The following PYGO1 variants were observed in gnomAD, a reference collection of about 807,000 sequenced individuals.
PYGO1 encodes pygopus homolog 1.
A neutral mutation model predicts 29.5 loss-of-function variants in PYGO1; 6 were observed. That is an observed-to-expected ratio of 0.20 (90% CI 0.11 to 0.40). PYGO1 has a LOEUF of 0.40. Ranked by LOEUF, PYGO1 falls within the 10% of genes least tolerant of loss-of-function variation. PYGO1 has a pLI of 1.00. For synonymous variants in PYGO1, 186 were observed against 180.5 expected (o/e 1.03, Z -0.24); for missense variants, 515 against 514.9 (o/e 1.00, Z 0.00).
intron 1 of PYGO1, among the ~76,000 whole-genome samples, 199 bp downstream of exon 1, chr15:55,587,636 A>G (rs1208106731): frequency 6.6e-6 from 1 of 151,588 alleles, no homozygotes; most frequent in Non-Finnish European, 1.5e-5. Context: ...GAGGCGAGGG[A>G]TCCGCGCGGA....
At position 55,581,956 on chromosome 15, in the gene PYGO1, CAGCACTTTGGGAG is replaced by C. The variant is rs532779178; in HGVS notation, c.49+5866_49+5878del. ...GCGCAGTGGCTCATGCCTACAATCCCAGCACTTTGGGAGGCTGAGGTGGGCGGATCACCTGAGG... is the reference window on the plus strand; with the variant it reads ...GCGCAGTGGCTCATGCCTACAATCCCGCTGAGGTGGGCGGATCACCTGAGG... On this transcript the variant is annotated intron_variant, in intron 1 of 2. Coordinates refer to ENST00000563719, the MANE Select transcript of PYGO1 (RefSeq NM_001367806.1). 4.9e-3 allele frequency among the ~76,000 whole-genome samples: 743 copies of C among 152,216 alleles called. 9 individuals are homozygous for C. The highest frequency in any genetic ancestry group is 0.017 in the African/African-American group (714 of 41,544).
In PYGO1 at chr15:55,545,786, TAAC is replaced by T. The variant is rs545524875; in HGVS notation, c.*234_*236del. 335 of 365,348 alleles carry T rather than the reference TAAC, an allele frequency of 9.2e-4. 1 individual carries two copies. The East Asian group carries it at 0.011, about 12-fold the overall frequency. The allele number at this position is 365,348 out of a possible 1,614,324, so 22.6% of individuals were successfully genotyped here. On this transcript the variant is annotated 3_prime_UTR_variant, in exon 3 of 3. Coordinates refer to ENST00000563719, the MANE Select transcript of PYGO1 (RefSeq NM_001367806.1). Reference sequence around the variant, plus strand: ...AAGAGGCTTTTATGTTTGTGATAAATAACAACAACTAACATTTATTTATGTTTC... The same window carrying T: ...AAGAGGCTTTTATGTTTGTGATAAATAACAACTAACATTTATTTATGTTTC...
chr15:55,550,657 T>C (rs2058874945), intron 1 of PYGO1, among the ~76,000 whole-genome samples: 1 of 152,232 alleles, frequency 6.6e-6, no homozygotes, highest in Non-Finnish European at 1.5e-5. Context: ...TCACTGTCCA[T>C]GCTACCTCAC....
chr15:55,545,952 C>A lies in PYGO1; in HGVS notation c.*71G>T. The A allele has an allele frequency of 7.0e-7, 1 of 1,423,864 alleles. No individual in the cohort carries two copies. Among genetic ancestry groups the A allele is most frequent in the Non-Finnish European group, 9.5e-7 (1 of 1,055,832 alleles). The allele number at this position is 1,423,864 out of a possible 1,614,324, so 88.2% of individuals were successfully genotyped here. A position where few individuals can be genotyped will look rare whatever the true frequency, so the allele number is the denominator to read the frequency against. ...ATGCATTTAAAAAAATAATGTAAAACATTAAAATCCTGTGTCAATGAACTT... is the reference window on the plus strand; with the variant it reads ...ATGCATTTAAAAAAATAATGTAAAAAATTAAAATCCTGTGTCAATGAACTT... On this transcript the variant is annotated 3_prime_UTR_variant, in exon 3 of 3. Coordinates refer to ENST00000563719, the MANE Select transcript of PYGO1 (RefSeq NM_001367806.1).
chr15:55,558,047 G>T (rs574362581), intron 1 of PYGO1, among the ~76,000 whole-genome samples: 3 of 152,284 alleles, frequency 2.0e-5, no homozygotes, highest in South Asian at 2.1e-4. Context: ...AGGAAAAGAG[G>T]AAGTCAAATT....
chr15:55,550,859 G>A (rs965003087), intron 1 of PYGO1, among the ~76,000 whole-genome samples: 4 of 152,002 alleles, frequency 2.6e-5, no homozygotes, highest in Non-Finnish European at 5.9e-5. Context: ...ATTGATATTG[G>A]GTCTAGACCA....
rs2058833805 is a variant in PYGO1 at position 55,542,909 on chromosome 15, A to G, written c.*3114T>C. ...TCATCACTGCACTCCAGCCTGGGCAACAGAGCAAGACTGGCAAAAAACAAA... is the reference window on the plus strand; with the variant it reads ...TCATCACTGCACTCCAGCCTGGGCAGCAGAGCAAGACTGGCAAAAAACAAA... On this transcript the variant is annotated 3_prime_UTR_variant, in exon 3 of 3. Coordinates refer to ENST00000563719, the MANE Select transcript of PYGO1 (RefSeq NM_001367806.1). 1 of 152,100 alleles carries G rather than the reference A, an allele frequency of 6.6e-6. No individual in the cohort carries two copies. Among genetic ancestry groups the G allele is most frequent in the African/African-American group, 2.4e-5 (1 of 41,380 alleles). 9.4% of individuals were successfully genotyped at this position (152,100 alleles called of 1,614,324 possible).
Position 55,546,925 on chromosome 15 carries a change from C to T in PYGO1, c.358G>A (p.Gly120Ser). Residue 120 changes from glycine to serine, a missense_variant, in exon 3 of 3, where the codon GGT becomes AGT. Transcript: ENST00000563719. The stretch of plus-strand genomic sequence containing the variant: ...GGCTGGTTCCTGAGTGAGTAAGGAC[C>T]ACAGTATGGGGAAGACATTCTTGGG... ...VPPRMSSPYC[G>S]PYSLRNQPHP... 6.2e-7 allele frequency: 1 copy of T among 1,614,036 alleles called. No homozygotes were observed. Among genetic ancestry groups the T allele is most frequent in the Non-Finnish European group, 8.5e-7 (1 of 1,179,994 alleles).
intron 1 of PYGO1, among the ~76,000 whole-genome samples, chr15:55,586,588 G>A (rs1178268013): frequency 6.6e-6 from 1 of 152,128 alleles, no homozygotes; most frequent in African/African-American, 2.4e-5. Context: ...CCCTGTCACA[G>A]GACTCTTTCC....
At chr15:55,550,141 C>T (rs932783961) in intron 1 of PYGO1, among the ~76,000 whole-genome samples, 1 of 152,096 alleles carries the variant, frequency 6.6e-6, no homozygotes, top group African/African-American at 2.4e-5. Context: ...AAATATGTTC[C>T]ATAGATTACA....
rs557119357 is a variant in PYGO1 at position 55,561,528 on chromosome 15, A to G, written c.50-12533T>C. 3.9e-5 allele frequency among the ~76,000 whole-genome samples: 6 copies of G among 152,228 alleles called. No homozygotes were observed. The East Asian group carries it at 1.2e-3, about 29-fold the overall frequency. The stretch of plus-strand genomic sequence containing the variant: ...TTGCCAAACACTTATAAAACCATCA[A>G]ATCTCCTGAGAACTCACTCGTATCA... On this transcript the variant is annotated intron_variant, in intron 1 of 2. Coordinates refer to ENST00000563719, the MANE Select transcript of PYGO1 (RefSeq NM_001367806.1).
intron 1 of PYGO1, among the ~76,000 whole-genome samples, chr15:55,558,865 T>C (rs1312985754): frequency 1.3e-5 from 2 of 151,816 alleles, no homozygotes; most frequent in Non-Finnish European, 1.5e-5. Context: ...ATATTAGACC[T>C]AAAACCATAA....
At chr15:55,561,450 A>G (rs1373468294) in intron 1 of PYGO1, among the ~76,000 whole-genome samples, 1 of 152,200 alleles carries the variant, frequency 6.6e-6, no homozygotes, top group Non-Finnish European at 1.5e-5. Flanking sequence ...AAGGGGAAGC[A>G]GGCACCTTCT....
intron 1 of PYGO1, among the ~76,000 whole-genome samples, chr15:55,559,117 A>T (rs1439680743): frequency 6.6e-6 from 1 of 152,156 alleles, no homozygotes; most frequent in Non-Finnish European, 1.5e-5. Flanking sequence ...GAATCTACAA[A>T]GAACTCAAAC....
chr15:55,569,854 G>A (rs1209708708), intron 1 of PYGO1, among the ~76,000 whole-genome samples: 15 of 152,158 alleles, frequency 9.9e-5, no homozygotes, highest in African/African-American at 1.7e-4. Flanking sequence ...TCTCTAGCCT[G>A]AGACTAAAAT....
intron 1 of PYGO1, among the ~76,000 whole-genome samples, chr15:55,575,527 T>A (rs1345689271): frequency 6.6e-6 from 1 of 152,132 alleles, no homozygotes; most frequent in East Asian, 1.9e-4. Context: ...CCTGTTCACA[T>A]CATTCTATAC....
At position 55,546,287 on chromosome 15, in the gene PYGO1, A is replaced by G. The variant is rs140023982; in HGVS notation, c.996T>C (p.His332=). The change falls in exon 3 of 3, where the codon CAT becomes CAC. Residue 332 remains histidine (H), a synonymous_variant. Transcript: ENST00000563719. ...SNKSSLHPNR[H]GHSSSDPVYP... ...ACACTGGGTCAGAAGACGAATGGCCATGACGGTTTGGGTGAAGAGAGGATT... is the reference window on the plus strand; with the variant it reads ...ACACTGGGTCAGAAGACGAATGGCCGTGACGGTTTGGGTGAAGAGAGGATT... The G allele has an allele frequency of 1.5e-4, 238 of 1,614,088 alleles. No homozygotes were observed. The highest frequency in any genetic ancestry group is 3.3e-5 in the Non-Finnish European group (39 of 1,180,044).
chr15:55,571,087 G>C (rs1282968979), intron 1 of PYGO1, among the ~76,000 whole-genome samples: 1 of 150,002 alleles, frequency 6.7e-6, no homozygotes, highest in East Asian at 2.0e-4. Context: ...GACTACTCTA[G>C]ATATTTTACA....
At position 55,540,967 on chromosome 15, in the gene PYGO1, A is replaced by C. The variant is rs1183520443; in HGVS notation, c.*5056T>G. On this transcript the variant is annotated 3_prime_UTR_variant, in exon 3 of 3. Transcript: ENST00000563719. ...TAAGAAGCAGGACTTTCTTTTATAA[A>C]AGATAATATTTTGACAAACAAGCAA... 1 of 152,202 alleles carries C rather than the reference A, an allele frequency of 6.6e-6. No homozygotes were observed. The highest frequency in any genetic ancestry group is 1.5e-5 in the Non-Finnish European group (1 of 68,020). 9.4% of individuals were successfully genotyped at this position (152,202 alleles called of 1,614,324 possible). A position where few individuals can be genotyped will look rare whatever the true frequency, so the allele number is the denominator to read the frequency against.
Sources: gnomAD v4.1 joint callset for allele counts (sites outside exome capture counted in the v4.1 genomes callset) on GRCh38, gnomAD v4.1.1 for gene constraint, MANE v1.5 for transcripts, NCBI Gene and HGNC (gene_info 2026-07-23, HGNC 2026-07-21) for gene names.